Variants in CCDC73 observed in about 807,000 individuals in gnomAD.
CCDC73 encodes coiled-coil domain-containing protein 73.
Under a neutral mutation model 116.5 loss-of-function variants are expected in CCDC73, and 95 were observed. The ratio of observed to expected loss-of-function variants is 0.82; its 90% CI spans 0.69 to 0.97. The LOEUF is 0.97. Among genes scored for constraint, CCDC73 ranks in the 50% least tolerant of loss-of-function variants. The pLI is 0.00. For synonymous variants in CCDC73, 398 were observed against 401.3 expected, an observed-to-expected ratio of 0.99 and a Z score of 0.10; for missense variants, 1,066 against 1,206.8, an observed-to-expected ratio of 0.88 and a Z score of 1.73.
the CCDC73 span, among the ~76,000 whole-genome samples, chr11:32,799,955 T>C: frequency 6.6e-6 from 1 of 152,234 alleles, no homozygotes; most frequent in Non-Finnish European, 1.5e-5. Context: ...CATCTTTGTA[T>C]CTGTAACCTC....
At chr11:32,694,757 T>G (rs1856293273) in intron 6 of CCDC73, among the ~76,000 whole-genome samples, 1 of 152,148 alleles carries the variant, frequency 6.6e-6, no homozygotes, top group South Asian at 2.1e-4. Context: ...AAATGTAGTA[T>G]TTTTCAAGAT....
chr11:32,750,340 A>G (rs1001643081), intron 2 of CCDC73, among the ~76,000 whole-genome samples: 1 of 152,130 alleles, frequency 6.6e-6, no homozygotes, highest in Non-Finnish European at 1.5e-5. Context: ...TATAGCCACT[A>G]CCTGACTACC....
intron 13 of CCDC73, among the ~76,000 whole-genome samples, chr11:32,639,486 G>A (rs1855713259): frequency 6.6e-6 from 1 of 151,116 alleles, no homozygotes; most frequent in Admixed American, 6.6e-5. Context: ...GTCTCACTCT[G>A]TTGCCTAGGC....
intron 13 of CCDC73, among the ~76,000 whole-genome samples, chr11:32,639,163 C>CT (rs397784548): frequency 6.7e-6 from 1 of 149,790 alleles, no homozygotes; most frequent in African/African-American, 2.5e-5. Context: ...ACACCCCCCC[C>CT]AAAAAATCCT....
intron 9 of CCDC73, among the ~76,000 whole-genome samples, chr11:32,666,247 C>A (rs562287957): frequency 0.017 from 2,571 of 152,246 alleles, 75 homozygotes; most frequent in African/African-American, 0.057. Context: ...TAATACCCTG[C>A]TGAGTGGTTT....
At chr11:32,804,981 G>T in the CCDC73 span, among the ~76,000 whole-genome samples, 1 of 152,138 alleles carries the variant, frequency 6.6e-6, no homozygotes, top group African/African-American at 2.4e-5. Flanking sequence ...GACTCAAACT[G>T]CAGAATAAAG....
Position 32,613,948 on chromosome 11 carries a change from T to G in CCDC73, c.2370A>C (p.Lys790Asn). Reference sequence around the variant, plus strand: ...TCATGTGAACAGCAGTTTTCACATCTTTGGCTTGTGAAGCATGACTATTCT... The same window carrying G: ...TCATGTGAACAGCAGTTTTCACATCGTTGGCTTGTGAAGCATGACTATTCT... Reference protein sequence around the residue: ...NNENSHASQAKDVKTAVHMKT... With the variant: ...NNENSHASQANDVKTAVHMKT... Residue 790 changes from lysine (K) to asparagine (N), a missense_variant, in exon 16 of 18, where the codon AAA (lysine) becomes AAC (asparagine). By Grantham distance (94) the Lys-to-Asn change is moderately conservative (BLOSUM62 0). Coordinates refer to ENST00000335185, the MANE Select transcript of CCDC73 (RefSeq NM_001008391.4). 1 of 1,611,478 alleles carries G rather than the reference T, an allele frequency of 6.2e-7. No individual in the cohort carries two copies. The highest frequency in any genetic ancestry group is 2.2e-5 in the East Asian group (1 of 44,862).
intron 9 of CCDC73, among the ~76,000 whole-genome samples, chr11:32,659,220 T>C (rs1452660665): frequency 1.3e-5 from 2 of 150,958 alleles, no homozygotes; most frequent in Non-Finnish European, 3.0e-5. Context: ...GTTGCATGAA[T>C]TTTTTTTTTC....
chr11:32,661,402 T>C (rs2133270613), intron 9 of CCDC73, among the ~76,000 whole-genome samples: 1 of 151,978 alleles, frequency 6.6e-6, no homozygotes, highest in Non-Finnish European at 1.5e-5. Context: ...CCGCACCCAT[T>C]AACTCTTCAT....
intron 6 of CCDC73, among the ~76,000 whole-genome samples, chr11:32,691,109 A>G (rs1856254178): frequency 6.8e-6 from 1 of 148,090 alleles, no homozygotes; most frequent in African/African-American, 2.5e-5. Context: ...CAATGGTGTG[A>G]TCTCGGCTCA....
At chr11:32,755,571 A>ATG (rs1850327774) in intron 2 of CCDC73, among the ~76,000 whole-genome samples, 1 of 113,494 alleles carries the variant, frequency 8.8e-6, no homozygotes, top group East Asian at 4.6e-4. Context: ...ATGTACATAT[A>ATG]TATCCATATA....
chr11:32,684,016 G>A (rs1408420330), intron 6 of CCDC73, among the ~76,000 whole-genome samples: 1 of 151,434 alleles, frequency 6.6e-6, no homozygotes, highest in African/African-American at 2.4e-5. Flanking sequence ...ACAGATAACA[G>A]TCATTAACAC....
chr11:32,767,781 C>G (rs1850456291), intron 1 of CCDC73, among the ~76,000 whole-genome samples: 2 of 152,232 alleles, frequency 1.3e-5, no homozygotes, highest in Admixed American at 6.5e-5. Flanking sequence ...GATACCATCT[C>G]ACTCCAGTTA....
At chr11:32,659,591 TTA>T (rs1855903670) in intron 9 of CCDC73, among the ~76,000 whole-genome samples, 2 of 152,206 alleles carry the variant, frequency 1.3e-5, no homozygotes, top group Non-Finnish European at 2.9e-5. Context: ...ACCAATCATT[TTA>T]TGTTTTAAAC....
At chr11:32,809,964 C>T in the CCDC73 span, among the ~76,000 whole-genome samples, 3 of 152,174 alleles carry the variant, frequency 2.0e-5, no homozygotes, top group Admixed American at 2.0e-4. Context: ...GTGCTTCAGA[C>T]ATAGGTAATA....
rs958092906 is a variant in CCDC73, at chr11:32,663,249, T to A, written c.646-8277A>T. On this transcript the variant is annotated intron_variant, in intron 9 of 17. Coordinates refer to ENST00000335185, the MANE Select transcript of CCDC73 (RefSeq NM_001008391.4). ...CATTGGTAGCTTGATGGGGATGGCATTGAATCTATAAATTACCTTTGGCAG... is the reference window on the plus strand; with the variant it reads ...CATTGGTAGCTTGATGGGGATGGCAATGAATCTATAAATTACCTTTGGCAG... Among the ~76,000 whole-genome samples the A allele has an allele frequency of 2.6e-5, 4 of 152,236 alleles. No homozygotes were observed. The East Asian group carries it at 7.7e-4, about 29-fold the overall frequency.
At position 32,743,743 on chromosome 11, in the gene CCDC73, T is replaced by C. The variant is rs143964851; in HGVS notation, c.135+16366A>G. The stretch of plus-strand genomic sequence containing the variant: ...TGGTGTATAGGAATGCTTGTGATTT[T>C]TGCACATTGATTTTGTATCCTGAGA... On this transcript the variant is annotated intron_variant, in intron 2 of 17. Coordinates refer to ENST00000335185, the MANE Select transcript of CCDC73 (RefSeq NM_001008391.4). Among the ~76,000 whole-genome samples the C allele has an allele frequency of 4.0e-4, 61 of 152,338 alleles. 1 individual carries two copies. The East Asian group carries it at 0.011, about 27-fold the overall frequency.
At chr11:32,809,134 TGC>T in the CCDC73 span, among the ~76,000 whole-genome samples, 131 of 152,326 alleles carry the variant, frequency 8.6e-4, no homozygotes, top group African/African-American at 2.9e-3. Flanking sequence ...TTAAATGTAA[TGC>T]AAAACTTAAA....
intron 1 of CCDC73, among the ~76,000 whole-genome samples, chr11:32,790,931 T>G (rs1409769024): frequency 1.3e-5 from 2 of 152,160 alleles, no homozygotes; most frequent in Non-Finnish European, 2.9e-5. Flanking sequence ...CTTTAAGGAT[T>G]TTATAAAACA....
Sources: allele counts gnomAD v4.1 joint callset (sites outside exome capture counted in the v4.1 genomes callset), GRCh38; gene constraint gnomAD v4.1.1; transcripts MANE v1.5; gene names NCBI Gene and HGNC (gene_info 2026-07-23, HGNC 2026-07-21).